PPARGC1A: variants seen among roughly 807,000 people sequenced by gnomAD.
PPARGC1A encodes the protein peroxisome proliferator-activated receptor gamma coactivator 1-alpha.
A neutral mutation model predicts 88.7 loss-of-function variants in PPARGC1A; 25 were observed. The ratio of observed to expected loss-of-function variants is 0.28; its 90% CI spans 0.21 to 0.39. PPARGC1A has a LOEUF of 0.39. Among genes scored for constraint, PPARGC1A ranks in the 10% least tolerant of loss-of-function variants. The pLI is 1.00. For missense variants in PPARGC1A, 880 were observed against 968.7 expected (o/e 0.91, Z 1.22); for synonymous variants, 363 against 355.6 (o/e 1.02, Z -0.24).
At chr4:23,915,379 T>G in the PPARGC1A span, among the ~76,000 whole-genome samples, 1 of 152,230 alleles carries the variant, frequency 6.6e-6, no homozygotes, top group East Asian at 1.9e-4. Flanking sequence ...AATTAAAGTG[T>G]GTTGTATTAA....
chr4:24,228,423 A>T, the PPARGC1A span, among the ~76,000 whole-genome samples: 2 of 152,336 alleles, frequency 1.3e-5, no homozygotes, highest in East Asian at 3.9e-4. Flanking sequence ...CTTCTCTCTT[A>T]TAAGTGAGAG....
chr4:23,900,095 A>C (rs535357430), upstream of PPARGC1A, among the ~76,000 whole-genome samples: 7 of 152,264 alleles, frequency 4.6e-5, no homozygotes, highest in South Asian at 1.5e-3. Context: ...TTGGAGCAGA[A>C]ATCAAAGGAC....
the PPARGC1A span, among the ~76,000 whole-genome samples, chr4:24,333,718 G>A: frequency 1.3e-5 from 2 of 152,144 alleles, no homozygotes; most frequent in Non-Finnish European, 2.9e-5. Context: ...AGGATCACCT[G>A]AGGTCATGAG....
chr4:24,026,569 C>CAA, the PPARGC1A span, among the ~76,000 whole-genome samples: 2 of 147,508 alleles, frequency 1.4e-5, no homozygotes, highest in South Asian at 2.1e-4. Context: ...AGCTCAGTTT[C>CAA]AAAAAAAAAA....
chr4:24,304,423 G>A, the PPARGC1A span, among the ~76,000 whole-genome samples: 1 of 152,178 alleles, frequency 6.6e-6, no homozygotes, highest in Admixed American at 6.5e-5. Context: ...TTGCATGGTT[G>A]TTTAATTTAA....
At chr4:24,098,489 A>C in the PPARGC1A span, among the ~76,000 whole-genome samples, 11 of 152,248 alleles carry the variant, frequency 7.2e-5, no homozygotes, top group Non-Finnish European at 1.6e-4. Flanking sequence ...AAAAGAACAT[A>C]ATAAACCAGG....
the PPARGC1A span, among the ~76,000 whole-genome samples, chr4:24,221,689 C>T: frequency 1.3e-5 from 2 of 152,156 alleles, no homozygotes; most frequent in Admixed American, 6.5e-5. Context: ...AGGAGGATCA[C>T]TTGAGGCCAG....
chr4:23,803,782 G>C (rs1719226007), intron 10 of PPARGC1A, among the ~76,000 whole-genome samples: 2 of 152,228 alleles, frequency 1.3e-5, no homozygotes, highest in Non-Finnish European at 2.9e-5. Flanking sequence ...AGAGAACTGA[G>C]GTACAGACTT....
the PPARGC1A span, among the ~76,000 whole-genome samples, chr4:23,939,430 G>T: frequency 6.6e-6 from 1 of 152,070 alleles, no homozygotes; most frequent in African/African-American, 2.4e-5. Context: ...TTACCCTCTA[G>T]GTCAAAGGAT....
chr4:24,189,990 A>C, the PPARGC1A span, among the ~76,000 whole-genome samples: 1 of 152,164 alleles, frequency 6.6e-6, no homozygotes. Context: ...TGGCCGATGC[A>C]ATAAATAAAT....
chr4:24,316,675 T>TTC, the PPARGC1A span, among the ~76,000 whole-genome samples: 2 of 152,244 alleles, frequency 1.3e-5, no homozygotes, highest in Admixed American at 6.5e-5. Context: ...GGCCTTTGAC[T>TTC]TCTCTCAGCT....
rs762414603 is a variant in PPARGC1A, at chr4:23,812,797, G to A, written c.1969C>T (p.Arg657Ter). The change falls in exon 10 of 13, where the codon CGA becomes TGA. Residue 657 changes from arginine to a stop codon, truncating the protein, a stop_gained. Coordinates refer to ENST00000264867, the MANE Select transcript of PPARGC1A (RefSeq NM_013261.5). LOFTEE classifies it high-confidence loss of function. Reference sequence around the variant, plus strand: ...CTTTGCTTGGCCCTCTCAGACTCTCGCTTCTCATACTCTCTGCGATATTCT... The same window carrying A: ...CTTTGCTTGGCCCTCTCAGACTCTCACTTCTCATACTCTCTGCGATATTCT... Reference protein sequence around the residue: ...REEYRREYEKRESERAKQRER... With the variant: ...REEYRREYEK The A allele has an allele frequency of 6.2e-7, 1 of 1,613,804 alleles. No homozygotes were observed. Among genetic ancestry groups the A allele is most frequent in the Non-Finnish European group, 8.5e-7 (1 of 1,179,938 alleles).
the PPARGC1A span, among the ~76,000 whole-genome samples, chr4:24,133,527 C>G: frequency 2.0e-5 from 3 of 152,160 alleles, no homozygotes; most frequent in Non-Finnish European, 4.4e-5. Context: ...TTCGTTATCA[C>G]GTCTTCGTTG....
At chr4:24,118,928 T>C in the PPARGC1A span, among the ~76,000 whole-genome samples, 1 of 152,174 alleles carries the variant, frequency 6.6e-6, no homozygotes, top group African/African-American at 2.4e-5. Context: ...CAATGCAATC[T>C]AAAAATAACA....
the PPARGC1A span, among the ~76,000 whole-genome samples, chr4:23,922,970 C>T: frequency 6.6e-6 from 1 of 152,176 alleles, no homozygotes. Context: ...TATCAGCTAA[C>T]TATTGCATTT....
the PPARGC1A span, among the ~76,000 whole-genome samples, chr4:23,991,468 G>T: frequency 6.6e-6 from 1 of 151,686 alleles, no homozygotes; most frequent in African/African-American, 2.4e-5. Flanking sequence ...CAAACCTGGG[G>T]GCTCCTCCAC....
chr4:23,837,524 GT>G (rs1726242650), intron 2 of PPARGC1A, among the ~76,000 whole-genome samples: 1 of 152,022 alleles, frequency 6.6e-6, no homozygotes, highest in African/African-American at 2.4e-5. Context: ...TACCACAGAC[GT>G]TTAGCACTGG....
chr4:23,840,201 C>A (rs141442421), intron 2 of PPARGC1A, among the ~76,000 whole-genome samples: 1 of 152,016 alleles, frequency 6.6e-6, no homozygotes, highest in Non-Finnish European at 1.5e-5. Flanking sequence ...AATTTATCAT[C>A]CAAGCAGAAC....
chr4:24,392,576 GCACTCTGA>G, the PPARGC1A span, among the ~76,000 whole-genome samples: 1 of 152,134 alleles, frequency 6.6e-6, no homozygotes, highest in East Asian at 1.9e-4. Flanking sequence ...TTCTGTAGGC[GCACTCTGA>G]CATCATTCCT....
Sources: gnomAD v4.1 joint callset for allele counts (sites outside exome capture counted in the v4.1 genomes callset) on GRCh38, gnomAD v4.1.1 for gene constraint, MANE v1.5 for transcripts, NCBI Gene and HGNC (gene_info 2026-07-23, HGNC 2026-07-21) for gene names.